RBMS3: variants seen among roughly 807,000 people sequenced by gnomAD.
The protein encoded by RBMS3 is RNA binding motif single stranded interacting protein 3, also known as RNA-binding motif, single-stranded-interacting protein 3.
Under a neutral mutation model 66.8 loss-of-function variants are expected in RBMS3, and 27 were observed. That is an observed-to-expected ratio of 0.40 (90% CI 0.30 to 0.56). The LOEUF is 0.56. Ranked by LOEUF, RBMS3 falls within the 20% of genes least tolerant of loss-of-function variation. The pLI is 0.40. For synonymous variants in RBMS3, 188 were observed against 183.0 expected (o/e 1.03, Z -0.22); for missense variants, 513 against 549.5 (o/e 0.93, Z 0.66).
At chr3:29,755,818 A>G (rs1011080738) in intron 5 of RBMS3, among the ~76,000 whole-genome samples, 2 of 152,224 alleles carry the variant, frequency 1.3e-5, no homozygotes, top group African/African-American at 4.8e-5. Context: ...ATGGAAAACC[A>G]GTAAACAAAA....
At chr3:29,946,818 G>A (rs1308023042) in intron 12 of RBMS3, among the ~76,000 whole-genome samples, 1 of 151,514 alleles carries the variant, frequency 6.6e-6, no homozygotes, top group Non-Finnish European at 1.5e-5. Flanking sequence ...GTAGTAGTGG[G>A]GGTTCATTTG....
intron 4 of RBMS3, among the ~76,000 whole-genome samples, chr3:29,623,073 T>G (rs1226326866): frequency 7.1e-6 from 1 of 140,660 alleles, no homozygotes; most frequent in East Asian, 2.3e-4. Context: ...ATCGTACCAC[T>G]GCACTTCAGC....
At chr3:29,444,392 C>G (rs1456682944) in intron 2 of RBMS3, among the ~76,000 whole-genome samples, 1 of 152,016 alleles carries the variant, frequency 6.6e-6, no homozygotes, top group Non-Finnish European at 1.5e-5. Context: ...AGAGCCCCAT[C>G]TCTTAACCAT....
intron 11 of RBMS3, among the ~76,000 whole-genome samples, chr3:29,942,467 G>T (rs990089113): frequency 1.3e-5 from 2 of 151,798 alleles, no homozygotes; most frequent in Non-Finnish European, 1.5e-5. Flanking sequence ...AGGTTACAGT[G>T]AGCTATGATT....
chr3:29,970,226 T>TGTC (rs1697135047), intron 12 of RBMS3, among the ~76,000 whole-genome samples: 2 of 152,200 alleles, frequency 1.3e-5, no homozygotes, highest in South Asian at 4.1e-4. Flanking sequence ...AGTGAAGGAG[T>TGTC]GTCCCCAGGC....
intron 1 of RBMS3, among the ~76,000 whole-genome samples, chr3:29,292,174 A>G (rs1187061098): frequency 6.6e-6 from 1 of 151,714 alleles, no homozygotes; most frequent in East Asian, 1.9e-4. Context: ...GATGCAATGA[A>G]TCAGCTTTGA....
At chr3:29,603,399 T>C (rs1247067123) in intron 4 of RBMS3, among the ~76,000 whole-genome samples, 1 of 152,022 alleles carries the variant, frequency 6.6e-6, no homozygotes, top group Non-Finnish European at 1.5e-5. Flanking sequence ...TTTCCTTTTA[T>C]AACAAGGTTG....
chr3:29,684,324 C>T (rs1255621430), intron 4 of RBMS3, among the ~76,000 whole-genome samples: 2 of 152,032 alleles, frequency 1.3e-5, no homozygotes, highest in Non-Finnish European at 2.9e-5. Context: ...CTCTGAAAAA[C>T]ATAAAATGTC....
chr3:29,554,159 G>T (rs1290643282), intron 3 of RBMS3, among the ~76,000 whole-genome samples: 1 of 152,106 alleles, frequency 6.6e-6, no homozygotes, highest in South Asian at 2.1e-4. Flanking sequence ...CATATTTATA[G>T]TAAGTAGTTT....
At chr3:29,761,223 T>A (rs1324856347) in intron 5 of RBMS3, among the ~76,000 whole-genome samples, 1 of 152,050 alleles carries the variant, frequency 6.6e-6, no homozygotes, top group Non-Finnish European at 1.5e-5. Flanking sequence ...GCGGTAGAGA[T>A]TTGTCATATC....
intron 3 of RBMS3, among the ~76,000 whole-genome samples, chr3:29,500,192 G>A (rs547968390): frequency 3.0e-4 from 45 of 150,470 alleles, no homozygotes; most frequent in Admixed American, 1.1e-3. Context: ...TTTGAATGAC[G>A]AGGGGTTCAA....
chr3:29,809,098 C>G (rs2057647221), intron 6 of RBMS3, among the ~76,000 whole-genome samples: 1 of 151,784 alleles, frequency 6.6e-6, no homozygotes, highest in African/African-American at 2.4e-5. Context: ...TATTTCATAA[C>G]AGTCAATGGA....
At chr3:29,553,317 A>G (rs2046238332) in intron 3 of RBMS3, among the ~76,000 whole-genome samples, 1 of 152,130 alleles carries the variant, frequency 6.6e-6, no homozygotes. Context: ...ATGGAGTGTA[A>G]TTTGGATCAA....
chr3:29,989,534 C>G (rs1412547351), intron 13 of RBMS3, among the ~76,000 whole-genome samples: 5 of 152,160 alleles, frequency 3.3e-5, no homozygotes, highest in African/African-American at 1.2e-4. Context: ...CACCAAGACT[C>G]CCAATCTCTG....
intron 4 of RBMS3, among the ~76,000 whole-genome samples, chr3:29,734,274 T>G (rs925795776): frequency 1.3e-5 from 2 of 152,038 alleles, no homozygotes; most frequent in Non-Finnish European, 2.9e-5. Flanking sequence ...ATGGGGCTCT[T>G]TTGATAACCA....
intron 6 of RBMS3, among the ~76,000 whole-genome samples, chr3:29,835,908 A>G (rs2058494063): frequency 1.3e-5 from 2 of 151,942 alleles, no homozygotes. Context: ...ACAGATTTAA[A>G]TAAATATGAT....
At chr3:29,420,366 A>G (rs569380380) in intron 1 of RBMS3, among the ~76,000 whole-genome samples, 2 of 152,148 alleles carry the variant, frequency 1.3e-5, no homozygotes, top group African/African-American at 4.8e-5. Context: ...TTGTAATTCC[A>G]TTCATCTGTG....
intron 5 of RBMS3, among the ~76,000 whole-genome samples, chr3:29,754,412 G>A (rs1260201731): frequency 2.0e-5 from 3 of 152,204 alleles, no homozygotes; most frequent in Admixed American, 2.0e-4. Context: ...TGGCAGGAAT[G>A]TGTGCAGTTT....
chr3:29,805,671 C>G (rs887585910), intron 6 of RBMS3, among the ~76,000 whole-genome samples: 3 of 151,870 alleles, frequency 2.0e-5, no homozygotes, highest in Admixed American at 2.0e-4. Flanking sequence ...AAATAGAAAA[C>G]CACTTATGGA....
Sources: gnomAD v4.1 joint callset for allele counts (sites outside exome capture counted in the v4.1 genomes callset) on GRCh38, gnomAD v4.1.1 for gene constraint, MANE v1.5 for transcripts, NCBI Gene and HGNC (gene_info 2026-07-23, HGNC 2026-07-21) for gene names.